The following RYR2 variants were observed in gnomAD, a reference collection of about 807,000 sequenced individuals.
RYR2 encodes the protein ryanodine receptor 2.
In RYR2, 227 loss-of-function variants were observed where a neutral mutation model predicts 601.1. The ratio of observed to expected loss-of-function variants is 0.38; its 90% confidence interval spans 0.34 to 0.42. The LOEUF is 0.42. Among genes scored for constraint, RYR2 ranks in the 10% least tolerant of loss-of-function variants. The probability of loss-of-function intolerance (pLI) is 1.00; values close to 1 mark genes in which losing one functional copy is unlikely to be tolerated. For synonymous variants in RYR2, 2,223 were observed against 2,175.1 expected (o/e 1.02, Z -0.61); for missense variants, 4,646 against 6,156.5 (o/e 0.75, Z 8.21).
intron 78 of RYR2, among the ~76,000 whole-genome samples, 153 bp downstream of exon 78, chr1:237,732,302 T>C (rs1192751577): frequency 6.6e-6 from 1 of 152,160 alleles, no homozygotes; most frequent in Non-Finnish European, 1.5e-5. Flanking sequence ...GGCATGTACC[T>C]AGGGACCGAC....
chr1:237,149,466 A>C (rs1194825188), intron 1 of RYR2, among the ~76,000 whole-genome samples: 1 of 152,198 alleles, frequency 6.6e-6, no homozygotes, highest in East Asian at 1.9e-4. Flanking sequence ...TTAGGCCTCA[A>C]AACATACTTG....
At chr1:237,222,219 A>C (rs746718396) in intron 1 of RYR2, among the ~76,000 whole-genome samples, 33 of 152,100 alleles carry the variant, frequency 2.2e-4, no homozygotes, top group Admixed American at 5.2e-4. Flanking sequence ...TCGAGACCAT[A>C]CTGGCTAACA....
intron 39 of RYR2, among the ~76,000 whole-genome samples, chr1:237,624,451 C>T (rs1679427884): frequency 6.6e-6 from 1 of 152,136 alleles, no homozygotes; most frequent in Non-Finnish European, 1.5e-5. Context: ...CAGATGGATG[C>T]ATGTGTCCAA....
chr1:237,159,955 T>G (rs1334743699), intron 1 of RYR2, among the ~76,000 whole-genome samples: 1 of 152,234 alleles, frequency 6.6e-6, no homozygotes, highest in Non-Finnish European at 1.5e-5. Context: ...AATTGCTTGC[T>G]CTTTGAGTAT....
intron 9 of RYR2, among the ~76,000 whole-genome samples, chr1:237,387,749 A>G (rs12036994): frequency 6.6e-6 from 1 of 152,316 alleles, no homozygotes; most frequent in African/African-American, 2.4e-5. Flanking sequence ...CGAATTTTAC[A>G]AAGGAGCAGG....
intron 16 of RYR2, among the ~76,000 whole-genome samples, chr1:237,459,809 G>A (rs922423285): frequency 1.4e-4 from 21 of 152,190 alleles, no homozygotes; most frequent in South Asian, 4.2e-4. Context: ...GTATGAACAC[G>A]GTTCCTGCTC....
chr1:237,088,948 A>T (rs1666654020), intron 1 of RYR2, among the ~76,000 whole-genome samples: 2 of 152,172 alleles, frequency 1.3e-5, no homozygotes, highest in South Asian at 4.1e-4. Context: ...CTGAGTTTCC[A>T]CTGTAACAGG....
rs1660988786 is a variant in RYR2 at position 237,473,440 on chromosome 1, T to C, written c.1708+4253T>C. Among the ~76,000 whole-genome samples the C allele has an allele frequency of 5.1e-5, 5 of 98,138 alleles. No homozygotes were observed. The Admixed American group carries it at 5.5e-4, about 11-fold the overall frequency. The allele number at this position is 98,138 out of a possible 152,430, so 64.4% of individuals were successfully genotyped here. A position where few individuals can be genotyped will look rare whatever the true frequency, so the allele number is the denominator to read the frequency against. On this transcript the variant is annotated intron_variant, in intron 17 of 104. Coordinates refer to ENST00000366574, the MANE Select transcript of RYR2 (RefSeq NM_001035.3). ...CTCCATCTCTCTCTCTCTCTTTCTT[T>C]CTTTCTTTCTTTCTTTCTTTCTATC...
intron 1 of RYR2, among the ~76,000 whole-genome samples, chr1:237,225,359 A>T (rs1284833781): frequency 1.3e-5 from 2 of 152,140 alleles, no homozygotes; most frequent in African/African-American, 4.8e-5. Flanking sequence ...AAAGAAAAGG[A>T]GGTTTAATGG....
intron 25 of RYR2, among the ~76,000 whole-genome samples, chr1:237,535,500 C>G (rs1023415854): frequency 2.6e-5 from 4 of 151,616 alleles, no homozygotes; most frequent in Non-Finnish European, 4.4e-5. Context: ...CACACACACA[C>G]ACACACACAC....
intron 73 of RYR2, 23 bp from the exon 74 acceptor site, chr1:237,723,105 T>C: frequency 6.3e-7 from 1 of 1,596,684 alleles, no homozygotes; most frequent in Non-Finnish European, 8.5e-7. Context: ...CTTCCCATTG[T>C]AACCTTTTCC....
chr1:237,570,217 C>CAA (rs371744146), intron 29 of RYR2, among the ~76,000 whole-genome samples: 34,614 of 129,774 alleles, frequency 0.27, 4,535 homozygotes, highest in South Asian at 0.37. Flanking sequence ...GACTGCATCT[C>CAA]AAAAAAAAAA....
At chr1:237,578,807 C>T (rs977181247) in intron 29 of RYR2, among the ~76,000 whole-genome samples, 2 of 151,762 alleles carry the variant, frequency 1.3e-5, no homozygotes, top group African/African-American at 2.4e-5. Flanking sequence ...ATGTACGCTC[C>T]CTCAGTGTCT....
rs193209746 is a variant in RYR2 at position 237,787,685 on chromosome 1, C to A, written c.13329-303C>A. Among the ~76,000 whole-genome samples, 5 of 150,682 alleles carry A rather than the reference C, an allele frequency of 3.3e-5. No individual in the cohort carries two copies. The East Asian group carries it at 9.9e-4, about 30-fold the overall frequency. ...CATAGCAAAATCATTCATCATTCTTCATTTTTTTAATGTTTCATTGCAGAA... is the reference window on the plus strand; with the variant it reads ...CATAGCAAAATCATTCATCATTCTTAATTTTTTTAATGTTTCATTGCAGAA... On this transcript the variant is annotated intron_variant, in intron 91 of 104. Coordinates refer to ENST00000366574, the MANE Select transcript of RYR2 (RefSeq NM_001035.3).
At chr1:237,331,058 G>A (rs966165595) in intron 3 of RYR2, 76 bp downstream of exon 3, 2 of 1,230,118 alleles carry the variant, frequency 1.6e-6, no homozygotes, top group African/African-American at 1.5e-5. Context: ...TTTCACAGGT[G>A]TCAGAGATTT....
intron 1 of RYR2, among the ~76,000 whole-genome samples, chr1:237,238,951 A>C (rs550406988): frequency 1.3e-5 from 2 of 152,306 alleles, no homozygotes; most frequent in Admixed American, 1.3e-4. Context: ...AGTCATCAGC[A>C]TCATACACCA....
intron 60 of RYR2, among the ~76,000 whole-genome samples, chr1:237,675,838 A>G (rs1205989461): frequency 6.6e-6 from 1 of 152,154 alleles, no homozygotes; most frequent in Non-Finnish European, 1.5e-5. Flanking sequence ...TTTCTCATAA[A>G]CAATTGACTT....
chr1:237,305,275 G>A (rs149661993), intron 2 of RYR2, among the ~76,000 whole-genome samples: 221 of 152,176 alleles, frequency 1.5e-3, no homozygotes, highest in African/African-American at 4.9e-3. Context: ...GTCATGCAGC[G>A]GATGACTCTG....
At chr1:237,643,547 C>G (rs1056348041) in intron 48 of RYR2, 100 bp downstream of exon 48, 1 of 1,333,890 alleles carries the variant, frequency 7.5e-7, no homozygotes, top group Non-Finnish European at 1.1e-6. Context: ...TCTCCACTTC[C>G]TAAATTATGT....
Sources: gnomAD v4.1 joint callset for allele counts (sites outside exome capture counted in the v4.1 genomes callset) on GRCh38, gnomAD v4.1.1 for gene constraint, MANE v1.5 for transcripts, NCBI Gene and HGNC (gene_info 2026-07-23, HGNC 2026-07-21) for gene names.